The following CA14 variants were observed in gnomAD, a reference collection of about 807,000 sequenced individuals.
CA14 encodes CA-XIV.
Under a neutral mutation model 48.8 loss-of-function variants are expected in CA14, and 44 were observed. The ratio of observed to expected loss-of-function variants is 0.90; its 90% confidence interval spans 0.71 to 1.16. The LOEUF (loss-of-function observed/expected upper bound fraction) is 1.16. Ranked by LOEUF, CA14 falls within the 50% of genes most tolerant of loss-of-function variation. The pLI, the probability that CA14 is intolerant of heterozygous loss-of-function variation, is 0.00. For missense variants in CA14, 386 were observed against 401.0 expected, an observed-to-expected ratio of 0.96 and a Z score of 0.32; for synonymous variants, 154 against 155.0, an observed-to-expected ratio of 0.99 and a Z score of 0.05.
At position 150,263,398 on chromosome 1, in the gene CA14, G is replaced by T; in HGVS notation, c.820G>T (p.Val274Phe). 6.2e-7 allele frequency: 1 copy of T among 1,614,164 alleles called. No individual in the cohort carries two copies. Residue 274 changes from valine to phenylalanine, a missense_variant, in exon 8 of 11, where the codon GTC becomes TTC. Physicochemically the swap from Val to Phe is conservative, Grantham distance 50 (BLOSUM62 -1). Coordinates refer to ENST00000369111, the MANE Select transcript of CA14 (RefSeq NM_012113.3). ...CCTTCAGCCTCTCAATCAGCGCATG[G>T]TCTTTGCTTCTTTCATCCAAGGTGA... ...RALQPLNQRM[V>F]FASFIQAGSS...
Position 150,257,950 on chromosome 1 carries a change from C to A in CA14, c.-179C>A. The A allele has an allele frequency of 2.3e-6, 1 of 437,736 alleles. No individual in the cohort carries two copies. Among genetic ancestry groups the A allele is most frequent in the Non-Finnish European group, 4.2e-6 (1 of 239,398 alleles). 27.1% of individuals were successfully genotyped at this position (437,736 alleles called of 1,614,324 possible). On this transcript the variant is annotated 5_prime_UTR_variant, in exon 1 of 11. Coordinates refer to ENST00000369111, the MANE Select transcript of CA14 (RefSeq NM_012113.3). ...AAACCCATGATACCCTACTGAACAC[C>A]GAATCCCCTGGAAGCCCACAGAGAC...
chr1:150,258,186 AG>A lies in CA14; in HGVS notation c.55+5del. On this transcript the variant is annotated splice_donor_region_variant and intron_variant, in intron 1 of 10. Transcript: ENST00000369111. ...TTGGATCCTGGCTGCAGATGGGGGT[AG>A]GTACAACTAAATGTCTGTGTGTGGA... is the stretch of plus-strand genomic sequence containing the variant. 1 of 1,610,176 alleles carries A rather than the reference AG, an allele frequency of 6.2e-7. No individual in the cohort carries two copies. Among genetic ancestry groups the A allele is most frequent in the East Asian group, 2.2e-5 (1 of 44,708 alleles).
chr1:150,262,439 A>T (rs1553848077), intron 4 of CA14, 86 bp from the exon 5 acceptor site: 2 of 1,473,594 alleles, frequency 1.4e-6, no homozygotes, highest in Non-Finnish European at 1.9e-6. Context: ...CCTGCCGGGG[A>T]CAGCGGGGGG....
At chr1:150,258,794 C>T (rs1650758521) in intron 1 of CA14, among the ~76,000 whole-genome samples, 1 of 152,182 alleles carries the variant, frequency 6.6e-6, no homozygotes, top group African/African-American at 2.4e-5. Flanking sequence ...GGAGAACAGG[C>T]TGAAGCGCTC....
Position 150,258,076 on chromosome 1 carries a change from C to T in CA14, c.-53C>T, listed in dbSNP as rs1560021142. 1.4e-6 allele frequency: 2 copies of T among 1,422,090 alleles called. No individual in the cohort carries two copies. Among genetic ancestry groups the T allele is most frequent in the East Asian group, 4.7e-5 (2 of 42,204 alleles). 88.1% of individuals were successfully genotyped at this position (1,422,090 alleles called of 1,614,324 possible). On this transcript the variant is annotated 5_prime_UTR_variant, in exon 1 of 11. Transcript: ENST00000369111. Reference sequence around the variant, plus strand: ...CTCCCTCCCTCTCTCTCTGCCTGTCCTAGTCCTCTAGTCCTCAAATTCCCA... The same window carrying T: ...CTCCCTCCCTCTCTCTCTGCCTGTCTTAGTCCTCTAGTCCTCAAATTCCCA...
intron 1 of CA14, among the ~76,000 whole-genome samples, chr1:150,259,317 T>C (rs1650799298): frequency 6.6e-6 from 1 of 152,202 alleles, no homozygotes. Context: ...CGTTTTCTTC[T>C]TGAGGCAGTT....
At chr1:150,261,206 C>A in intron 2 of CA14, 1 of 505,460 alleles carries the variant, frequency 2.0e-6, no homozygotes. Context: ...GCTACCACTC[C>A]CCATTCATCA....
chr1:150,262,537 C>T lies in CA14; in HGVS notation c.412C>T (p.His138Tyr). 1 of 1,613,426 alleles carries T rather than the reference C, an allele frequency of 6.2e-7. No individual in the cohort carries two copies. Among genetic ancestry groups the T allele is most frequent in the Non-Finnish European group, 8.5e-7 (1 of 1,179,340 alleles). Reference sequence around the variant, plus strand: ...TTCCTTCCTTTAGCTCCACATTGTACATTATGACTCTGATTCCTATGACAG... The same window carrying T: ...TTCCTTCCTTTAGCTCCACATTGTATATTATGACTCTGATTCCTATGACAG... ...EATFAELHIV[H>Y]YDSDSYDSLS... The change falls in exon 5 of 11, where the codon CAT (histidine) becomes TAT (tyrosine). Residue 138 changes from histidine to tyrosine, a missense_variant. By Grantham distance (83) the His-to-Tyr change is moderately conservative. Coordinates refer to ENST00000369111, the MANE Select transcript of CA14 (RefSeq NM_012113.3).
intron 8 of CA14, 28 bp from the exon 9 acceptor site, chr1:150,263,631 C>G: frequency 6.2e-7 from 1 of 1,613,482 alleles, no homozygotes; most frequent in Non-Finnish European, 8.5e-7. Context: ...GATCTGAAGT[C>G]CCACTGACCC....
intron 1 of CA14, among the ~76,000 whole-genome samples, chr1:150,258,743 A>G (rs1035236334): frequency 6.6e-6 from 1 of 152,234 alleles, no homozygotes; most frequent in Admixed American, 6.5e-5. Context: ...CAGTTTACAA[A>G]GGACTTTCAG....
chr1:150,259,216 G>A (rs1650792894), intron 1 of CA14, among the ~76,000 whole-genome samples: 1 of 152,192 alleles, frequency 6.6e-6, no homozygotes, highest in South Asian at 2.1e-4. Context: ...AGGAATTTAA[G>A]GGAATAAGAG....
At chr1:150,263,576 C>G (rs1345172929) in intron 8 of CA14, 83 bp from the exon 9 acceptor site, 3 of 1,612,056 alleles carry the variant, frequency 1.9e-6, no homozygotes, top group Non-Finnish European at 2.5e-6. Context: ...CCGGGGGATT[C>G]TCCCAGGCAC....
chr1:150,259,338 G>T (rs1199430069), intron 1 of CA14, among the ~76,000 whole-genome samples: 4 of 152,178 alleles, frequency 2.6e-5, no homozygotes, highest in Non-Finnish European at 5.9e-5. Context: ...TGGCCGTAGG[G>T]AGGGGCTGGA....
chr1:150,261,402 G>A, intron 2 of CA14, 57 bp from the exon 3 acceptor site: 1 of 1,512,538 alleles, frequency 6.6e-7, no homozygotes, highest in East Asian at 2.3e-5. Flanking sequence ...AGGGGGTGCT[G>A]TTGAAGGGTA....
chr1:150,259,552 G>A (rs1650817577), intron 1 of CA14, among the ~76,000 whole-genome samples: 1 of 152,138 alleles, frequency 6.6e-6, no homozygotes, highest in Non-Finnish European at 1.5e-5. Context: ...AGAATGTAGG[G>A]AGCAGAGCCT....
In CA14 at chr1:150,263,136, C is replaced by G; in HGVS notation, c.657C>G (p.Pro219=). 6.2e-6 allele frequency: 10 copies of G among 1,614,126 alleles called. No homozygotes were observed. Among genetic ancestry groups the G allele is most frequent in the Non-Finnish European group, 7.6e-6 (9 of 1,180,032 alleles). Residue 219 remains proline, a synonymous_variant, in exon 7 of 11, where the codon CCC becomes CCG. Coordinates refer to ENST00000369111, the MANE Select transcript of CA14 (RefSeq NM_012113.3). ...YFRYNGSLTT[P]PCYQSVLWTV... is the part of the protein sequence containing the mutation. ...GCTACAATGGCTCGCTCACAACTCCCCCTTGCTACCAGAGTGTGCTCTGGA... is the reference window on the plus strand; with the variant it reads ...GCTACAATGGCTCGCTCACAACTCCGCCTTGCTACCAGAGTGTGCTCTGGA...
Position 150,258,011 on chromosome 1 carries a change from C to T in CA14, c.-118C>T, listed in dbSNP as rs1374410495. 13 of 638,210 alleles carry T rather than the reference C, an allele frequency of 2.0e-5. No individual in the cohort carries two copies. Among genetic ancestry groups the T allele is most frequent in the Non-Finnish European group, 3.1e-5 (12 of 384,996 alleles). 39.5% of individuals were successfully genotyped at this position (638,210 alleles called of 1,614,324 possible). ...AGAGAAGCAGAGATAAATACACTCA[C>T]GCCAGGAGCTCGCTCGCTCTCTCTC... On this transcript the variant is annotated 5_prime_UTR_variant, in exon 1 of 11. In the 5' UTR this introduces an upstream ATG that the reference lacks. Coordinates refer to ENST00000369111, the MANE Select transcript of CA14 (RefSeq NM_012113.3).
At position 150,261,511 on chromosome 1, in the gene CA14, T is replaced by C. The variant is rs1651027823; in HGVS notation, c.129T>C (p.Asn43=). ...CCTCTTACCCTGAGTGTGGAAACAA[T>C]GCCCAGTCGCCCATCGATATTCAGA... ...WPASYPECGN[N]AQSPIDIQTD... The change falls in exon 3 of 11, where the codon AAT becomes AAC. Residue 43 remains asparagine (N), a synonymous_variant. Coordinates refer to ENST00000369111, the MANE Select transcript of CA14 (RefSeq NM_012113.3). 2.5e-6 allele frequency: 4 copies of C among 1,614,042 alleles called. No homozygotes were observed. Among genetic ancestry groups the C allele is most frequent in the Admixed American group, 1.7e-5 (1 of 60,004 alleles).
chr1:150,263,993 T>TG, intron 10 of CA14, 115 bp downstream of exon 10: 1 of 756,572 alleles, frequency 1.3e-6, no homozygotes, highest in Non-Finnish European at 2.2e-6. Context: ...GTGTGCAATC[T>TG]CAGCTCACTG....
Sources: allele counts gnomAD v4.1 joint callset (sites outside exome capture counted in the v4.1 genomes callset), GRCh38; gene constraint gnomAD v4.1.1; transcripts MANE v1.5; gene names NCBI Gene and HGNC (gene_info 2026-07-23, HGNC 2026-07-21).